RBFOX3: variants seen among roughly 807,000 people sequenced by gnomAD.
The protein encoded by RBFOX3 is RNA binding protein fox-1 homolog 3.
Under a neutral mutation model 48.7 loss-of-function variants are expected in RBFOX3, and 17 were observed. That is an observed-to-expected ratio of 0.35 (90% CI 0.24 to 0.52). The LOEUF (loss-of-function observed/expected upper bound fraction) is 0.52, where lower values mean the gene tolerates loss of function less well. Ranked by LOEUF, RBFOX3 falls within the 20% of genes least tolerant of loss-of-function variation. RBFOX3 has a pLI of 0.94. For missense variants in RBFOX3, 382 were observed against 497.5 expected, an observed-to-expected ratio of 0.77 and a Z score of 2.21; for synonymous variants, 212 against 209.5, an observed-to-expected ratio of 1.01 and a Z score of -0.10.
intron 2 of RBFOX3, among the ~76,000 whole-genome samples, chr17:79,368,425 G>A (rs569774343): frequency 6.6e-6 from 1 of 152,364 alleles, no homozygotes; most frequent in African/African-American, 2.4e-5. Flanking sequence ...AATGCTATTT[G>A]AACTGTGTTC....
At chr17:79,611,969 G>A (rs2093972951), upstream of RBFOX3, among the ~76,000 whole-genome samples, 1 of 152,166 alleles carries the variant, frequency 6.6e-6, no homozygotes, top group African/African-American at 2.4e-5. Flanking sequence ...AAGGGGCCTG[G>A]TGTGAGTTCT....
intron 1 of RBFOX3, among the ~76,000 whole-genome samples, chr17:79,561,404 A>T (rs2092206196): frequency 6.6e-6 from 1 of 152,112 alleles, no homozygotes; most frequent in Non-Finnish European, 1.5e-5. Flanking sequence ...CCTCTGCTCC[A>T]GTCACCCCCA....
At chr17:79,357,099 C>T (rs560671821) in intron 2 of RBFOX3, among the ~76,000 whole-genome samples, 18 of 152,364 alleles carry the variant, frequency 1.2e-4, no homozygotes, top group South Asian at 6.2e-4. Context: ...GCCCCAGACA[C>T]GCCCACACCC....
In RBFOX3 at chr17:79,413,773, C is replaced by A. The variant is rs574145491; in HGVS notation, c.-175+68681G>T. Among the ~76,000 whole-genome samples, 37 of 152,336 alleles carry A rather than the reference C, an allele frequency of 2.4e-4. No homozygotes were observed. The East Asian group carries it at 6.2e-3, about 25-fold the overall frequency. On this transcript the variant is annotated intron_variant, in intron 2 of 14. Transcript: ENST00000693108. ...AGAGCTCGCACCTGGGCACCCAGCC[C>A]GGGCCATCCTTCTGCGGCCTGGCCA...
chr17:79,288,766 C>T (rs955651153), intron 3 of RBFOX3, among the ~76,000 whole-genome samples: 3 of 151,388 alleles, frequency 2.0e-5, no homozygotes, highest in Non-Finnish European at 4.4e-5. Context: ...GTTTCATGTC[C>T]CCCAAAATAT....
intron 3 of RBFOX3, among the ~76,000 whole-genome samples, chr17:79,296,481 C>T (rs1415630585): frequency 6.6e-6 from 1 of 152,168 alleles, no homozygotes; most frequent in Non-Finnish European, 1.5e-5. Flanking sequence ...AGATTGTCAG[C>T]AAAAGGGACA....
chr17:79,382,079 C>A (rs888587067), intron 2 of RBFOX3, among the ~76,000 whole-genome samples: 1 of 152,212 alleles, frequency 6.6e-6, no homozygotes, highest in South Asian at 2.1e-4. Flanking sequence ...TCACACACTG[C>A]GGGACCCACA....
intron 3 of RBFOX3, among the ~76,000 whole-genome samples, chr17:79,292,035 G>A (rs367732448): frequency 2.6e-5 from 4 of 152,152 alleles, no homozygotes; most frequent in Middle Eastern, 6.8e-3. Context: ...AGCCAGCCAC[G>A]GAGCTCTCTC....
At chr17:79,499,471 A>T (rs1481101310) in intron 1 of RBFOX3, among the ~76,000 whole-genome samples, 3 of 152,040 alleles carry the variant, frequency 2.0e-5, no homozygotes, top group African/African-American at 7.3e-5. Context: ...TCACCCATCC[A>T]CCATCCATTC....
At chr17:79,449,357 G>A (rs2073011655) in intron 2 of RBFOX3, among the ~76,000 whole-genome samples, 1 of 151,460 alleles carries the variant, frequency 6.6e-6, no homozygotes, top group South Asian at 2.1e-4. Context: ...CCTAGAACAC[G>A]GGCTGTCCCC....
intron 3 of RBFOX3, among the ~76,000 whole-genome samples, chr17:79,293,187 G>A (rs1020700518): frequency 5.9e-5 from 9 of 152,200 alleles, no homozygotes; most frequent in South Asian, 2.1e-4. Context: ...CATTATCTCC[G>A]TTTAACAGGT....
chr17:79,184,278 G>A (rs2052930139), intron 4 of RBFOX3, among the ~76,000 whole-genome samples: 1 of 152,190 alleles, frequency 6.6e-6, no homozygotes, highest in African/African-American at 2.4e-5. Context: ...ACCTGGTCTT[G>A]TGGCTACTTA....
chr17:79,658,662 T>C, the RBFOX3 span, among the ~76,000 whole-genome samples: 8 of 151,718 alleles, frequency 5.3e-5, no homozygotes, highest in African/African-American at 1.9e-4. Context: ...TCCATTCCAC[T>C]GCCTCCTCCC....
rs2061200271 is a variant in RBFOX3 at position 79,390,177 on chromosome 17, T to C, written c.-174-82353A>G. 6.6e-6 allele frequency among the ~76,000 whole-genome samples: 1 copy of C among 152,202 alleles called. No homozygotes were observed. The highest frequency in any genetic ancestry group is 2.4e-5 in the African/African-American group (1 of 41,438). On this transcript the variant is annotated intron_variant, in intron 2 of 14. Transcript: ENST00000693108. This position sits in a 1 kb window ranked among gnomAD's most constrained non-coding sequence, Gnocchi z 4.2. Reference sequence around the variant, plus strand: ...GCAGTGAAGGGCAAGTCCACAGAGTTCTGAGGTGTCCAACCTCCGGGACGC... The same window carrying C: ...GCAGTGAAGGGCAAGTCCACAGAGTCCTGAGGTGTCCAACCTCCGGGACGC...
At chr17:79,519,405 C>G (rs1029640528) in intron 1 of RBFOX3, among the ~76,000 whole-genome samples, 1 of 152,250 alleles carries the variant, frequency 6.6e-6, no homozygotes, top group African/African-American at 2.4e-5. Context: ...TGCAGCCCAC[C>G]CAGCTCAGAG....
intron 1 of RBFOX3, among the ~76,000 whole-genome samples, chr17:79,607,536 C>G (rs2093861167): frequency 6.6e-6 from 1 of 152,228 alleles, no homozygotes; most frequent in Admixed American, 6.5e-5. Context: ...CACCACCACT[C>G]TGGCGCTTCT....
intron 1 of RBFOX3, among the ~76,000 whole-genome samples, chr17:79,590,504 C>T (rs2093385389): frequency 6.6e-6 from 1 of 152,066 alleles, no homozygotes; most frequent in Non-Finnish European, 1.5e-5. Context: ...TTCCCAGCCC[C>T]CTTGGGTTGC....
chr17:79,637,963 T>A, the RBFOX3 span, among the ~76,000 whole-genome samples: 1 of 151,950 alleles, frequency 6.6e-6, no homozygotes, highest in Non-Finnish European at 1.5e-5. Flanking sequence ...CACAAATATG[T>A]GGAAACTAAA....
At chr17:79,171,153 A>C (rs1249357394) in intron 4 of RBFOX3, among the ~76,000 whole-genome samples, 1 of 152,266 alleles carries the variant, frequency 6.6e-6, no homozygotes, top group Non-Finnish European at 1.5e-5. Context: ...AAGATTCAGC[A>C]TGAAAAGAGA....
Sources: allele counts gnomAD v4.1 joint callset (sites outside exome capture counted in the v4.1 genomes callset), GRCh38; gene constraint gnomAD v4.1.1; non-coding constraint Gnocchi (gnomAD v3.1); transcripts MANE v1.5; gene names NCBI Gene and HGNC (gene_info 2026-07-23, HGNC 2026-07-21).